Variants in SPTBN5 observed in about 807,000 individuals in gnomAD.
SPTBN5 encodes spectrin beta, non-erythrocytic 5.
In SPTBN5, 513 loss-of-function variants were observed where a neutral mutation model predicts 477.6. The ratio of observed to expected loss-of-function variants is 1.07; its 90% CI spans 1.00 to 1.16. SPTBN5 has a LOEUF of 1.16. Among genes scored for constraint, SPTBN5 ranks in the 50% most tolerant of loss-of-function variants. The pLI is 0.00. For synonymous variants in SPTBN5, 2,169 were observed against 2,011.7 expected, an observed-to-expected ratio of 1.08 and a Z score of -2.09; for missense variants, 5,062 against 4,731.8, an observed-to-expected ratio of 1.07 and a Z score of -2.05.
intron 61 of SPTBN5, 88 bp downstream of exon 61, chr15:41,852,546 G>C (rs1595439935): frequency 1.4e-6 from 2 of 1,433,768 alleles, no homozygotes; most frequent in East Asian, 4.5e-5. Flanking sequence ...GCCGGGTGAG[G>C]GCTCAGTGCC....
intron 12 of SPTBN5, 63 bp from the exon 13 acceptor site, chr15:41,881,297 G>T: frequency 7.1e-7 from 1 of 1,408,156 alleles, no homozygotes. Flanking sequence ...CTTTGGCCAG[G>T]CCACCCCTAC....
chr15:41,851,126 C>T lies in SPTBN5; in HGVS notation c.10768G>A (p.Asp3590Asn). The change falls in exon 65 of 68, where the codon GAC becomes AAC. Residue 3590 changes from aspartate (D) to asparagine (N), a missense_variant. Physicochemically the swap from Asp to Asn is conservative, Grantham distance 23 (BLOSUM62 1). Transcript: ENST00000320955. ...AEKVASIALL[D>N]LTGARCERLR... ...CTCTCACACCGGGCTCCCGTGAGGT[C>T]AAGGAGGGCTATGGAAGCTACTTTC... 1 of 1,613,270 alleles carries T rather than the reference C, an allele frequency of 6.2e-7. No individual in the cohort carries two copies. The highest frequency in any genetic ancestry group is 8.5e-7 in the Non-Finnish European group (1 of 1,179,804).
intron 39 of SPTBN5, among the ~76,000 whole-genome samples, chr15:41,865,518 A>G (rs11070352): frequency 0.27 from 41,456 of 152,208 alleles, 6,527 homozygotes; most frequent in Admixed American, 0.38. Flanking sequence ...AGTTTTTGCA[A>G]GTATGCATCT....
In SPTBN5 at chr15:41,854,090, G is replaced by A. The variant is rs767312456; in HGVS notation, c.9734C>T (p.Ser3245Leu). Reference sequence around the variant, plus strand: ...CTGTTGCTGCAGGGTCCGCACAGATGACAGGCTGTGGCCTCCGTCCTCCCC... The same window carrying A: ...CTGTTGCTGCAGGGTCCGCACAGATAACAGGCTGTGGCCTCCGTCCTCCCC... Reference protein sequence around the residue: ...MKGEDGGHSLSSVRTLQQQHR... With the variant: ...MKGEDGGHSLLSVRTLQQQHR... The change falls in exon 57 of 68, where the codon TCA becomes TTA. Residue 3245 changes from serine (S) to leucine (L), a missense_variant. Physicochemically the swap from Ser to Leu is moderately radical, Grantham distance 145 (BLOSUM62 -2). Coordinates refer to ENST00000320955, the MANE Select transcript of SPTBN5 (RefSeq NM_016642.4). 2.5e-6 allele frequency: 4 copies of A among 1,581,006 alleles called. No individual in the cohort carries two copies. Among genetic ancestry groups the A allele is most frequent in the Non-Finnish European group, 2.6e-6 (3 of 1,165,122 alleles).
At chr15:41,856,347 C>T (rs763782126) in intron 53 of SPTBN5, 39 bp downstream of exon 53, 26 of 1,498,848 alleles carry the variant, frequency 1.7e-5, no homozygotes, top group South Asian at 2.7e-5. Context: ...CCCTGTGTTC[C>T]AGGCTTGCCT....
chr15:41,851,847 C>T lies in SPTBN5; in HGVS notation c.10588G>A (p.Ala3530Thr), dbSNP rs1436194411. The T allele has an allele frequency of 2.5e-6, 4 of 1,609,394 alleles. No homozygotes were observed. Among genetic ancestry groups the T allele is most frequent in the Non-Finnish European group, 2.5e-6 (3 of 1,178,888 alleles). The change falls in exon 63 of 68, where the codon GCA (alanine) becomes ACA (threonine). Residue 3530 changes from alanine (A) to threonine (T), a missense_variant. Transcript: ENST00000320955. ...CCCTCCATGGTGGGGGTACCCTTTG[C>T]ATCCTGAAAATGCAAGATGGGGCCC... is the stretch of plus-strand genomic sequence containing the variant. ...QLAETRDPQDAKGTPTMEGSL... is the reference protein window; with the variant it reads ...QLAETRDPQDTKGTPTMEGSL...
chr15:41,864,297 G>C (rs918947035), intron 39 of SPTBN5, among the ~76,000 whole-genome samples: 3 of 152,218 alleles, frequency 2.0e-5, no homozygotes, highest in Non-Finnish European at 4.4e-5. Context: ...CCATGTAGGA[G>C]GGGGAGAGTG....
intron 63 of SPTBN5, 30 bp from the exon 64 acceptor site, chr15:41,851,399 A>T: frequency 2.0e-6 from 3 of 1,517,732 alleles, no homozygotes; most frequent in Non-Finnish European, 2.7e-6. Context: ...AGGTCGCATG[A>T]GCCACACGCA....
intron 3 of SPTBN5, among the ~76,000 whole-genome samples, chr15:41,891,170 T>A (rs2067299226): frequency 1.3e-5 from 2 of 152,206 alleles, no homozygotes; most frequent in Non-Finnish European, 2.9e-5. Context: ...AGTGAGGATC[T>A]TGGCTTTGTT....
At chr15:41,884,974 C>T (rs998838827) in intron 7 of SPTBN5, among the ~76,000 whole-genome samples, 8 of 152,176 alleles carry the variant, frequency 5.3e-5, no homozygotes, top group Admixed American at 5.2e-4. Flanking sequence ...CCAGTGAATC[C>T]CCTCTAGCCA....
At chr15:41,852,421 G>T in intron 61 of SPTBN5, 105 bp from the exon 62 acceptor site, 1 of 1,429,334 alleles carries the variant, frequency 7.0e-7, no homozygotes. Flanking sequence ...GTCAGAGGGG[G>T]CCTGCCTCCC....
In SPTBN5 at chr15:41,867,646, G is replaced by A; in HGVS notation, c.6208-4C>T. 1 of 1,613,022 alleles carries A rather than the reference G, an allele frequency of 6.2e-7. No individual in the cohort carries two copies. Among genetic ancestry groups the A allele is most frequent in the East Asian group, 2.2e-5 (1 of 44,872 alleles). On this transcript the variant is annotated splice_polypyrimidine_tract_variant and splice_region_variant and intron_variant, in intron 34 of 67. Coordinates refer to ENST00000320955, the MANE Select transcript of SPTBN5 (RefSeq NM_016642.4). Reference sequence around the variant, plus strand: ...AGGCACTGGTTTTCAGGGAGACCTGGATCCACAGAAAAGTCAGAGGCCACC... The same window carrying A: ...AGGCACTGGTTTTCAGGGAGACCTGAATCCACAGAAAAGTCAGAGGCCACC...
rs2067388270 is a variant in SPTBN5 at position 41,893,886 on chromosome 15, A to T, written c.-50+13T>A. 1 of 264,414 alleles carries T rather than the reference A, an allele frequency of 3.8e-6. No individual in the cohort carries two copies. The highest frequency in any genetic ancestry group is 2.2e-5 in the African/African-American group (1 of 46,126). The allele number at this position is 264,414 out of a possible 1,614,324, so 16.4% of individuals were successfully genotyped here. On this transcript the variant is annotated intron_variant, in intron 1 of 67. Coordinates refer to ENST00000320955, the MANE Select transcript of SPTBN5 (RefSeq NM_016642.4). ...TGGACGGATGGAGATGGTAGATAGC[A>T]GGGGCTGCTTACCTTGGTGATGCCT...
intron 52 of SPTBN5, 46 bp from the exon 53 acceptor site, chr15:41,856,644 G>A (rs1261429005): frequency 6.6e-7 from 1 of 1,505,000 alleles, no homozygotes; most frequent in Non-Finnish European, 8.9e-7. Flanking sequence ...TGACCCTTGG[G>A]GGACTCCCAC....
rs182951590 is a variant in SPTBN5, at chr15:41,853,328, C to T, written c.10100G>A (p.Arg3367His). 5.6e-4 allele frequency: 907 copies of T among 1,612,748 alleles called. 7 individuals carry two copies. In the African/African-American group the frequency reaches 9.8e-3, roughly 17 times the overall value. ...CTGCCGCAGGTCCTGGGCTTGAAGG[C>T]GGCACTCCCTGATTTCTTGCCCCAG... ...EELGQEIRECRLQAQDLRQEG... is the reference protein window; with the variant it reads ...EELGQEIRECHLQAQDLRQEG... The change falls in exon 59 of 68, where the codon CGC becomes CAC. Residue 3367 changes from arginine to histidine, a missense_variant. Physicochemically the swap from Arg to His is conservative, Grantham distance 29 (BLOSUM62 0). Coordinates refer to ENST00000320955, the MANE Select transcript of SPTBN5 (RefSeq NM_016642.4).
intron 9 of SPTBN5, 80 bp downstream of exon 9, chr15:41,882,916 A>C: frequency 7.1e-7 from 1 of 1,405,786 alleles, no homozygotes; most frequent in South Asian, 1.3e-5. Context: ...GCAGGCCAAC[A>C]GTACTTTAAC....
At chr15:41,861,519 G>C in intron 45 of SPTBN5, 23 bp from the exon 46 acceptor site, 1 of 1,611,726 alleles carries the variant, frequency 6.2e-7, no homozygotes, top group Non-Finnish European at 8.5e-7. Context: ...GAAAAGGCAA[G>C]AGACAGTCGG....
intron 34 of SPTBN5, 23 bp from the exon 35 acceptor site, chr15:41,867,665 G>T: frequency 6.2e-7 from 1 of 1,608,814 alleles, no homozygotes. Flanking sequence ...AAAAGTCAGA[G>T]GCCACCAAGC....
chr15:41,881,878 T>C, intron 12 of SPTBN5, 58 bp downstream of exon 12: 1 of 1,462,300 alleles, frequency 6.8e-7, no homozygotes, highest in Non-Finnish European at 9.0e-7. Context: ...GTCCTCTGTG[T>C]GGCCCAGCCG....
Sources: allele counts gnomAD v4.1 joint callset (sites outside exome capture counted in the v4.1 genomes callset), GRCh38; gene constraint gnomAD v4.1.1; transcripts MANE v1.5; gene names NCBI Gene and HGNC (gene_info 2026-07-23, HGNC 2026-07-21).